PIP5K1A: variants seen among roughly 807,000 people sequenced by gnomAD.
PIP5K1A encodes phosphatidylinositol 4-phosphate 5-kinase type-1 alpha.
In PIP5K1A, 46 loss-of-function variants were observed where a neutral mutation model predicts 72.9. The ratio of observed to expected loss-of-function variants is 0.63; its 90% CI spans 0.50 to 0.81. PIP5K1A has a LOEUF of 0.81. PIP5K1A is among the 30% of genes least tolerant of loss of function. The pLI is 0.00. For synonymous variants in PIP5K1A, 228 were observed against 255.1 expected, an observed-to-expected ratio of 0.89 and a Z score of 1.01; for missense variants, 458 against 706.1, an observed-to-expected ratio of 0.65 and a Z score of 3.98.
Position 151,230,866 on chromosome 1 carries a change from A to G in PIP5K1A, c.238-805A>G, listed in dbSNP as rs910169394. ...CCCCACCCTGTTGGCCTTGAGACAC[A>G]CTAGTCAGGCCCTTCCTTAGAGGAC... is the stretch of plus-strand genomic sequence containing the variant. On this transcript the variant is annotated intron_variant, in intron 4 of 15. Coordinates refer to ENST00000368888, the MANE Select transcript of PIP5K1A (RefSeq NM_001135638.2). 5.3e-5 allele frequency among the ~76,000 whole-genome samples: 8 copies of G among 152,242 alleles called. 1 individual carries two copies. Among genetic ancestry groups the G allele is most frequent in the Admixed American group, 3.9e-4 (6 of 15,284 alleles).
intron 14 of PIP5K1A, 30 bp downstream of exon 14, chr1:151,242,597 A>G (rs1294700877): frequency 6.3e-7 from 1 of 1,592,706 alleles, no homozygotes; most frequent in Non-Finnish European, 8.6e-7. Context: ...TCTCCATATA[A>G]TCTTATCTCT....
Position 151,238,234 on chromosome 1 carries a change from A to G in PIP5K1A, c.1198A>G (p.Ile400Val), listed in dbSNP as rs1691160535. The G allele has an allele frequency of 3.7e-6, 6 of 1,612,310 alleles. No individual in the cohort carries two copies. The highest frequency in any genetic ancestry group is 5.1e-6 in the Non-Finnish European group (6 of 1,178,422). ...NSKGERLLLY[I>V]GIIDILQSYR... Reference sequence around the variant, plus strand: ...TAAAGGGGAAAGGCTTCTGCTTTATATTGGCATCATTGACATTCTACAGTC... The same window carrying G: ...TAAAGGGGAAAGGCTTCTGCTTTATGTTGGCATCATTGACATTCTACAGTC... The change falls in exon 10 of 16, where the codon ATT becomes GTT. Residue 400 changes from isoleucine (I) to valine (V), a missense_variant. Ile to Val is a conservative substitution (Grantham distance 29). Around this residue, in one of 3 missense-constraint regions of PIP5K1A, gnomAD observed 220 missense variants for 442.6 expected, o/e 0.50. Transcript: ENST00000368888.
chr1:151,248,236 C>A lies in PIP5K1A; in HGVS notation c.*371C>A, dbSNP rs1692775537. Reference sequence around the variant, plus strand: ...CAGCTTTCTTTCCCCTCGTCTTTGACTAGGAACCGGACTCTTAATTTCCTC... The same window carrying A: ...CAGCTTTCTTTCCCCTCGTCTTTGAATAGGAACCGGACTCTTAATTTCCTC... On this transcript the variant is annotated 3_prime_UTR_variant, in exon 16 of 16. Coordinates refer to ENST00000368888, the MANE Select transcript of PIP5K1A (RefSeq NM_001135638.2). The A allele has an allele frequency of 3.1e-6, 1 of 320,932 alleles. No individual in the cohort carries two copies. Among genetic ancestry groups the A allele is most frequent in the Middle Eastern group, 9.9e-4 (1 of 1,012 alleles). The allele number at this position is 320,932 out of a possible 1,614,324, so 19.9% of individuals were successfully genotyped here.
intron 1 of PIP5K1A, among the ~76,000 whole-genome samples, chr1:151,209,710 A>G (rs183413819): frequency 6.6e-6 from 1 of 151,520 alleles, no homozygotes; most frequent in African/African-American, 2.4e-5. Flanking sequence ...AAGTGCTGGG[A>G]TTACAGGTGT....
intron 3 of PIP5K1A, among the ~76,000 whole-genome samples, chr1:151,226,714 A>AG (rs1689200333): frequency 5.4e-5 from 1 of 18,644 alleles, no homozygotes; most frequent in Non-Finnish European, 1.7e-4. Flanking sequence ...ACTCTGTCTC[A>AG]AAAAAAAAAA....
intron 1 of PIP5K1A, among the ~76,000 whole-genome samples, chr1:151,206,233 A>G (rs1273916168): frequency 6.6e-6 from 1 of 151,824 alleles, no homozygotes; most frequent in Non-Finnish European, 1.5e-5. Context: ...TTTATTTGTA[A>G]TGGTTGTATT....
chr1:151,227,750 G>A (rs587679787), intron 4 of PIP5K1A, among the ~76,000 whole-genome samples: 8 of 152,260 alleles, frequency 5.3e-5, no homozygotes, highest in Admixed American at 5.2e-4. Flanking sequence ...AATTAGCTGG[G>A]TGGCACACGC....
At chr1:151,245,982 C>T (rs971680930) in intron 14 of PIP5K1A, among the ~76,000 whole-genome samples, 5 of 152,168 alleles carry the variant, frequency 3.3e-5, no homozygotes, top group African/African-American at 9.7e-5. Context: ...TGTGGTGGCT[C>T]ACACCTATAA....
chr1:151,229,187 A>AAAC (rs1201184198), intron 4 of PIP5K1A, among the ~76,000 whole-genome samples: 1 of 149,276 alleles, frequency 6.7e-6, no homozygotes, highest in East Asian at 1.9e-4. Context: ...AAAAAAAAAA[A>AAAC]AAAAAACAGG....
rs587643796 is a variant in PIP5K1A at position 151,238,925 on chromosome 1, A to T, written c.1230-205A>T. On this transcript the variant is annotated intron_variant, in intron 10 of 15. Transcript: ENST00000368888. The stretch of plus-strand genomic sequence containing the variant: ...CCTTTTCCCATGGGGGGAATAATTG[A>T]CTTACCTAGAAACAACATTGGTCTC... Among the ~76,000 whole-genome samples, 5 of 152,306 alleles carry T rather than the reference A, an allele frequency of 3.3e-5. No individual in the cohort carries two copies. In the South Asian group the frequency reaches 1.0e-3, roughly 32 times the overall value.
chr1:151,203,285 T>G (rs372588114), intron 1 of PIP5K1A, among the ~76,000 whole-genome samples: 8 of 151,958 alleles, frequency 5.3e-5, no homozygotes, highest in African/African-American at 1.7e-4. Flanking sequence ...TCTCAGCACT[T>G]TGGGAGGCCA....
intron 1 of PIP5K1A, among the ~76,000 whole-genome samples, chr1:151,205,976 AC>A (rs150183745): frequency 1.3e-5 from 2 of 152,196 alleles, no homozygotes; most frequent in East Asian, 3.9e-4. Flanking sequence ...ACTGAATGAA[AC>A]ACCGATGGTG....
At chr1:151,236,851 C>T (rs1307649386) in intron 9 of PIP5K1A, 88 bp downstream of exon 9, 106 of 797,726 alleles carry the variant, frequency 1.3e-4, no homozygotes, top group African/African-American at 1.3e-3. Flanking sequence ...TTTAGTTTCA[C>T]TCTTGTTGCC....
intron 11 of PIP5K1A, 77 bp from the exon 12 acceptor site, chr1:151,239,878 C>A (rs1691434780): frequency 2.0e-6 from 2 of 1,014,496 alleles, no homozygotes; most frequent in South Asian, 1.3e-5. Flanking sequence ...GGGGCTCAGT[C>A]TGGGGGAAGA....
chr1:151,227,220 A>G, intron 3 of PIP5K1A, 100 bp from the exon 4 acceptor site: 2 of 704,598 alleles, frequency 2.8e-6, no homozygotes, highest in East Asian at 2.6e-5. Context: ...TAATCTAGAA[A>G]GAATATGTTG....
chr1:151,206,855 C>T (rs757331986), intron 1 of PIP5K1A, among the ~76,000 whole-genome samples: 8 of 152,000 alleles, frequency 5.3e-5, no homozygotes, highest in Non-Finnish European at 8.8e-5. Flanking sequence ...CGTGAGCCAC[C>T]TTCCCGGCTA....
At chr1:151,243,761 A>T (rs587704273) in intron 14 of PIP5K1A, among the ~76,000 whole-genome samples, 1 of 152,090 alleles carries the variant, frequency 6.6e-6, no homozygotes, top group East Asian at 1.9e-4. Flanking sequence ...GTCCTTTTTG[A>T]TCCAAGATGG....
chr1:151,199,153 G>A (rs1228950973), intron 1 of PIP5K1A, 72 bp downstream of exon 1: 2 of 1,608,472 alleles, frequency 1.2e-6, no homozygotes, highest in South Asian at 1.1e-5. Flanking sequence ...GACCTAAGAG[G>A]GTACCTGTAG....
At chr1:151,227,485 A>G (rs761162023) in intron 4 of PIP5K1A, 85 bp downstream of exon 4, 3 of 799,478 alleles carry the variant, frequency 3.8e-6, no homozygotes, top group Non-Finnish European at 6.4e-6. Flanking sequence ...ATTACTCTCC[A>G]TGTACTGTCC....
Sources: gnomAD v4.1 joint callset for allele counts (sites outside exome capture counted in the v4.1 genomes callset) on GRCh38, gnomAD v4.1.1 for gene constraint, gnomAD v4.1.1 regional missense constraint, MANE v1.5 for transcripts, NCBI Gene and HGNC (gene_info 2026-07-23, HGNC 2026-07-21) for gene names.